SGCG: variants seen among roughly 807,000 people sequenced by gnomAD.
The protein encoded by SGCG is gamma-sarcoglycan.
SGCG carries 26 observed loss-of-function variants against 29.3 expected under a neutral mutation model. The observed-to-expected ratio is 0.89, with a 90% CI of 0.65 to 1.23. The LOEUF (loss-of-function observed/expected upper bound fraction) is 1.23, where lower values mean the gene tolerates loss of function less well. SGCG is among the 50% of genes most tolerant of loss of function. The pLI, the probability that SGCG is intolerant of heterozygous loss-of-function variation, is 0.00. For missense variants in SGCG, 353 were observed against 356.0 expected (o/e 0.99, Z 0.07); for synonymous variants, 145 against 129.7 (o/e 1.12, Z -0.80).
chr13:23,242,219 G>T (rs779316468), intron 3 of SGCG, among the ~76,000 whole-genome samples: 1 of 152,140 alleles, frequency 6.6e-6, no homozygotes, highest in Non-Finnish European at 1.5e-5. Flanking sequence ...CTGCTTCAAT[G>T]ATTAAATTAG....
At chr13:23,282,350 T>G (rs1397403412) in intron 5 of SGCG, among the ~76,000 whole-genome samples, 2 of 152,244 alleles carry the variant, frequency 1.3e-5, no homozygotes, top group Non-Finnish European at 1.5e-5. Flanking sequence ...ACTTTTACTT[T>G]AAGTTCAGGG....
At chr13:23,248,651 G>A (rs1371733973) in intron 3 of SGCG, among the ~76,000 whole-genome samples, 2 of 149,508 alleles carry the variant, frequency 1.3e-5, no homozygotes, top group East Asian at 2.0e-4. Context: ...CCCAGATGGC[G>A]CCACTGCACT....
chr13:23,214,579 G>A (rs1033012295), intron 2 of SGCG, among the ~76,000 whole-genome samples: 4 of 152,162 alleles, frequency 2.6e-5, no homozygotes, highest in Non-Finnish European at 5.9e-5. Flanking sequence ...TCTCTGCACT[G>A]TGCTGGTGGC....
chr13:23,236,473 C>T (rs1406284546), intron 3 of SGCG, among the ~76,000 whole-genome samples: 2 of 152,108 alleles, frequency 1.3e-5, no homozygotes, highest in Non-Finnish European at 1.5e-5. Flanking sequence ...GTCAGGAGAT[C>T]AAGACCATCC....
At chr13:23,250,520 T>G in intron 3 of SGCG, 110 bp from the exon 4 acceptor site, 1 of 692,566 alleles carries the variant, frequency 1.4e-6, no homozygotes, top group Non-Finnish European at 2.6e-6. Flanking sequence ...TTCCAGGATC[T>G]GTAACAATGG....
the SGCG span, among the ~76,000 whole-genome samples, chr13:23,163,039 A>G: frequency 2.6e-5 from 4 of 152,196 alleles, no homozygotes; most frequent in Admixed American, 6.5e-5. Context: ...ACAATAATTC[A>G]TACTTAAGTG....
Position 23,249,182 on chromosome 13 carries a change from A to G in SGCG, c.298-1448A>G, listed in dbSNP as rs567713911. On this transcript the variant is annotated intron_variant, in intron 3 of 7. Coordinates refer to ENST00000218867, the MANE Select transcript of SGCG (RefSeq NM_000231.3). Reference sequence around the variant, plus strand: ...ATTTAACCTCAAAGAATTATTATTTAGCATTTATTTTTATGGCATTTGGTG... The same window carrying G: ...ATTTAACCTCAAAGAATTATTATTTGGCATTTATTTTTATGGCATTTGGTG... Among the ~76,000 whole-genome samples the G allele has an allele frequency of 6.6e-5, 10 of 152,284 alleles. No individual in the cohort carries two copies. The South Asian group carries it at 1.9e-3, about 28-fold the overall frequency.
At chr13:23,195,674 C>A (rs1877468716) in intron 1 of SGCG, among the ~76,000 whole-genome samples, 1 of 145,394 alleles carries the variant, frequency 6.9e-6, no homozygotes, top group Non-Finnish European at 1.5e-5. Context: ...ATCTTTTAAT[C>A]TAGATGTGTG....
At chr13:23,302,084 C>T (rs1287552449) in intron 6 of SGCG, among the ~76,000 whole-genome samples, 1 of 151,794 alleles carries the variant, frequency 6.6e-6, no homozygotes, top group East Asian at 1.9e-4. Context: ...TGATGCCCAC[C>T]ATCAAAGAAC....
chr13:23,272,639 G>A (rs1880913402), intron 4 of SGCG, among the ~76,000 whole-genome samples: 1 of 152,076 alleles, frequency 6.6e-6, no homozygotes, highest in Non-Finnish European at 1.5e-5. Context: ...TTAAGTATCA[G>A]TGCTAAGCTT....
At chr13:23,274,063 A>G (rs1288835945) in intron 4 of SGCG, among the ~76,000 whole-genome samples, 1 of 152,110 alleles carries the variant, frequency 6.6e-6, no homozygotes, top group Admixed American at 6.5e-5. Context: ...GGTATTTGTA[A>G]ATATTATGTC....
At chr13:23,251,273 G>A (rs950249123) in intron 4 of SGCG, among the ~76,000 whole-genome samples, 1 of 152,098 alleles carries the variant, frequency 6.6e-6, no homozygotes, top group African/African-American at 2.4e-5. Context: ...CTTCAATTAC[G>A]CAAATTCTAA....
At chr13:23,201,147 G>T (rs1213688339) in intron 1 of SGCG, among the ~76,000 whole-genome samples, 2 of 146,174 alleles carry the variant, frequency 1.4e-5, no homozygotes, top group African/African-American at 5.0e-5. Flanking sequence ...GGTGAAAGAC[G>T]ATGGCAGAGG....
chr13:23,190,043 T>C (rs1179915988), intron 1 of SGCG, among the ~76,000 whole-genome samples: 1 of 150,158 alleles, frequency 6.7e-6, no homozygotes, highest in Non-Finnish European at 1.5e-5. Flanking sequence ...CAAACTATTT[T>C]AAAAGAATAA....
intron 2 of SGCG, among the ~76,000 whole-genome samples, chr13:23,204,876 A>G (rs1877928215): frequency 6.6e-6 from 1 of 151,430 alleles, no homozygotes; most frequent in African/African-American, 2.4e-5. Flanking sequence ...TTCACTTTCT[A>G]TGCAACTGTT....
intron 6 of SGCG, among the ~76,000 whole-genome samples, chr13:23,317,692 G>A (rs1410611211): frequency 6.6e-6 from 1 of 152,102 alleles, no homozygotes; most frequent in African/African-American, 2.4e-5. Context: ...TTGGGGATTG[G>A]TGCGTTTCCA....
chr13:23,291,799 G>T (rs1412501660), intron 5 of SGCG, among the ~76,000 whole-genome samples: 1 of 152,120 alleles, frequency 6.6e-6, no homozygotes, highest in African/African-American at 2.4e-5. Flanking sequence ...CAGCTATTGG[G>T]GGAAAAGAAT....
intron 2 of SGCG, among the ~76,000 whole-genome samples, chr13:23,217,708 T>C (rs1266792002): frequency 6.8e-6 from 1 of 146,634 alleles, no homozygotes. Flanking sequence ...ACTGCTACCA[T>C]GTAATAGGTA....
intron 4 of SGCG, among the ~76,000 whole-genome samples, chr13:23,253,871 C>T (rs572060331): frequency 1.3e-5 from 2 of 152,308 alleles, no homozygotes; most frequent in Admixed American, 6.5e-5. Context: ...TTCTCTCTTG[C>T]TCCTACTCTT....
Sources: gnomAD v4.1 joint callset for allele counts (sites outside exome capture counted in the v4.1 genomes callset) on GRCh38, gnomAD v4.1.1 for gene constraint, MANE v1.5 for transcripts, NCBI Gene and HGNC (gene_info 2026-07-23, HGNC 2026-07-21) for gene names.